Variants in TIMD4 observed in about 807,000 individuals in gnomAD.
TIMD4 encodes T cell immunoglobulin and mucin domain containing 4.
A neutral mutation model predicts 41.2 loss-of-function variants in TIMD4; 31 were observed. The observed-to-expected ratio is 0.75, with a 90% CI of 0.57 to 1.01. The LOEUF (loss-of-function observed/expected upper bound fraction) is 1.01. TIMD4 is among the 50% of genes least tolerant of loss of function. The probability of loss-of-function intolerance (pLI) is 0.00; values close to 1 mark genes in which losing one functional copy is unlikely to be tolerated. For synonymous variants in TIMD4, 204 were observed against 177.1 expected (o/e 1.15, Z -1.21); for missense variants, 479 against 472.5 (o/e 1.01, Z -0.13).
intron 5 of TIMD4, among the ~76,000 whole-genome samples, chr5:156,939,511 A>C (rs1759601166): frequency 6.6e-6 from 1 of 152,186 alleles, no homozygotes; most frequent in Non-Finnish European, 1.5e-5. Flanking sequence ...TATTTTGACC[A>C]GATATAAGTG....
chr5:156,943,200 G>A (rs1332610896), intron 5 of TIMD4, among the ~76,000 whole-genome samples: 2 of 152,078 alleles, frequency 1.3e-5, no homozygotes, highest in African/African-American at 4.8e-5. Flanking sequence ...TTGTGATCTG[G>A]AATAGCAGCA....
At chr5:156,924,132 T>A in intron 6 of TIMD4, 1 of 335,930 alleles carries the variant, frequency 3.0e-6, no homozygotes, top group Non-Finnish European at 5.7e-6. Context: ...TTCAAGGTGG[T>A]TTAGAGGTCC....
intron 5 of TIMD4, among the ~76,000 whole-genome samples, chr5:156,937,955 A>G (rs1759570748): frequency 6.6e-6 from 1 of 152,188 alleles, no homozygotes; most frequent in Admixed American, 6.5e-5. Context: ...CTTCCTAACA[A>G]TGGCATTGGT....
At chr5:156,934,403 G>A (rs1759501970) in intron 5 of TIMD4, among the ~76,000 whole-genome samples, 1 of 152,090 alleles carries the variant, frequency 6.6e-6, no homozygotes, top group Non-Finnish European at 1.5e-5. Context: ...CTACAAGTGT[G>A]TGCCACCACA....
rs1387060550 is a variant in TIMD4, at chr5:156,951,516, A to G, written c.675T>C (p.Thr225=). ...PEPSKEGPIL[T]AESETVLPSD... ...ACCCAAGATACATCTGCGTACCTGC[A>G]GTGAGGATGGGCCCTTCCTTAGAAG... The change falls in exon 3 of 9, where the codon ACT becomes ACC. Residue 225 remains threonine (T), a synonymous_variant. Transcript: ENST00000274532. 1 of 1,614,150 alleles carries G rather than the reference A, an allele frequency of 6.2e-7. No individual in the cohort carries two copies. Among genetic ancestry groups the G allele is most frequent in the African/African-American group, 1.3e-5 (1 of 75,038 alleles).
At chr5:156,940,103 C>T (rs1395987713) in intron 5 of TIMD4, among the ~76,000 whole-genome samples, 2 of 152,242 alleles carry the variant, frequency 1.3e-5, no homozygotes, top group Non-Finnish European at 2.9e-5. Context: ...ATTGCAGGCG[C>T]GTGCCGCCAG....
In TIMD4 at chr5:156,954,539, T is replaced by C. The variant is rs770849831; in HGVS notation, c.276A>G (p.Arg92=). The change falls in exon 2 of 9, where the codon AGA becomes AGG. Residue 92 remains arginine, a synonymous_variant. Coordinates refer to ENST00000274532, the MANE Select transcript of TIMD4 (RefSeq NM_138379.3). ...TTAAGATGGTCAAGGAGACATCACC[T>C]CTCGGGATAGTCCCCTGAAGTCTAT... The part of the protein sequence containing the change: ...AKYRLQGTIP[R]GDVSLTILNP... 12 of 1,614,116 alleles carry C rather than the reference T, an allele frequency of 7.4e-6. No individual in the cohort carries two copies. In the South Asian group the frequency reaches 1.2e-4, roughly 16 times the overall value.
At chr5:156,951,218 T>C (rs1165610036) in intron 3 of TIMD4, among the ~76,000 whole-genome samples, 7 of 152,124 alleles carry the variant, frequency 4.6e-5, no homozygotes, top group African/African-American at 1.7e-4. Flanking sequence ...GATTAGGACA[T>C]GGAAGGACAG....
chr5:156,933,860 C>T (rs1015470857), intron 5 of TIMD4, among the ~76,000 whole-genome samples: 1 of 152,162 alleles, frequency 6.6e-6, no homozygotes, highest in Non-Finnish European at 1.5e-5. Flanking sequence ...GTGCCCGGCC[C>T]TTTCTGGCCC....
chr5:156,931,918 T>A (rs1406764673), intron 5 of TIMD4, among the ~76,000 whole-genome samples: 2 of 150,672 alleles, frequency 1.3e-5, no homozygotes, highest in African/African-American at 5.0e-5. Flanking sequence ...ATCTCCTATA[T>A]CCTTTTTAAC....
intron 1 of TIMD4, among the ~76,000 whole-genome samples, chr5:156,957,839 A>G (rs1454708607): frequency 1.3e-5 from 2 of 152,138 alleles, no homozygotes; most frequent in African/African-American, 4.8e-5. Context: ...TTCAAGAAAG[A>G]AAAAAGAAAA....
At chr5:156,926,114 G>T in intron 6 of TIMD4, 149 bp downstream of exon 6, 1 of 709,354 alleles carries the variant, frequency 1.4e-6, no homozygotes, top group Admixed American at 2.7e-5. Flanking sequence ...GTGTTGGCCA[G>T]GGTGATCTCA....
intron 7 of TIMD4, among the ~76,000 whole-genome samples, chr5:156,921,616 C>CAAAAAAAAAAAAAAAAAA (rs66842169): frequency 2.1e-5 from 1 of 47,252 alleles, no homozygotes; most frequent in African/African-American, 7.2e-5. Context: ...GAGACTCTCT[C>CAAAAAAAAAAAAAAAAAA]AAAAAAAAAA....
intron 5 of TIMD4, among the ~76,000 whole-genome samples, chr5:156,932,078 T>C (rs1275762740): frequency 2.0e-5 from 3 of 152,332 alleles, no homozygotes; most frequent in Admixed American, 6.5e-5. Context: ...CAATTATGTA[T>C]TCTTAAATAT....
At chr5:156,943,635 T>G (rs1051615254) in intron 5 of TIMD4, among the ~76,000 whole-genome samples, 2 of 152,176 alleles carry the variant, frequency 1.3e-5, no homozygotes, top group Non-Finnish European at 2.9e-5. Context: ...TGATTTTATT[T>G]AGGAAATGGC....
intron 2 of TIMD4, among the ~76,000 whole-genome samples, chr5:156,953,173 G>A (rs569709985): frequency 6.0e-4 from 92 of 152,294 alleles, no homozygotes; most frequent in African/African-American, 2.1e-3. Context: ...AACTTGAAAA[G>A]AGAAGACTTG....
At chr5:156,943,393 TAACTC>T (rs1759680955) in intron 5 of TIMD4, among the ~76,000 whole-genome samples, 1 of 152,100 alleles carries the variant, frequency 6.6e-6, no homozygotes, top group South Asian at 2.1e-4. Flanking sequence ...ATAGAACAAA[TAACTC>T]ACCTGAGATT....
chr5:156,920,870 G>A (rs1759223967), intron 7 of TIMD4, among the ~76,000 whole-genome samples: 1 of 152,160 alleles, frequency 6.6e-6, no homozygotes, highest in East Asian at 1.9e-4. Flanking sequence ...GCTAACAGCA[G>A]GATTCCAGTA....
At chr5:156,948,645 G>T in intron 4 of TIMD4, 146 bp from the exon 5 acceptor site, 1 of 382,280 alleles carries the variant, frequency 2.6e-6, no homozygotes, top group Non-Finnish European at 4.6e-6. Context: ...TGTCTTAAGT[G>T]ACCTACATGC....
Sources: gnomAD v4.1 joint callset for allele counts (sites outside exome capture counted in the v4.1 genomes callset) on GRCh38, gnomAD v4.1.1 for gene constraint, MANE v1.5 for transcripts, NCBI Gene and HGNC (gene_info 2026-07-23, HGNC 2026-07-21) for gene names.